The following TBCCD1 variants were observed in gnomAD, a reference collection of about 807,000 sequenced individuals.
TBCCD1 encodes TBCC domain-containing protein 1.
A neutral mutation model predicts 53.4 loss-of-function variants in TBCCD1; 26 were observed. The observed-to-expected ratio is 0.49, with a 90% CI of 0.36 to 0.68. The LOEUF is 0.68. Ranked by LOEUF, TBCCD1 falls within the 30% of genes least tolerant of loss-of-function variation. TBCCD1 has a pLI of 0.00. For synonymous variants in TBCCD1, 245 were observed against 241.7 expected, an observed-to-expected ratio of 1.01 and a Z score of -0.13; for missense variants, 558 against 669.5, an observed-to-expected ratio of 0.83 and a Z score of 1.84.
At chr3:186,569,308 T>TTTATTTATTTATTTA (rs1553849535), upstream of TBCCD1, among the ~76,000 whole-genome samples, 10,197 of 150,498 alleles carry the variant, frequency 0.068, 429 homozygotes, top group African/African-American at 0.09. Context: ...GACTTTTATT[T>TTTATTTATTTATTTA]TTTATTTATT....
At chr3:186,556,384 T>C in intron 4 of TBCCD1, 25 bp downstream of exon 4, 2 of 1,572,946 alleles carry the variant, frequency 1.3e-6, no homozygotes, top group Non-Finnish European at 1.7e-6. Context: ...TTCAATTTAA[T>C]GTAGATTAAA....
intron 1 of TBCCD1, among the ~76,000 whole-genome samples, chr3:186,565,054 T>A (rs1320199241): frequency 6.6e-6 from 1 of 151,698 alleles, no homozygotes; most frequent in Non-Finnish European, 1.5e-5. Context: ...CCATCCACAA[T>A]CCCACAAGTA....
upstream of TBCCD1, chr3:186,570,086 G>A (rs1714970984): frequency 1.4e-6 from 1 of 699,628 alleles, no homozygotes; most frequent in Admixed American, 2.0e-5. Flanking sequence ...TTGGGAGGAG[G>A]GGAGGGGTGG....
rs1449492167 is a variant in TBCCD1, at chr3:186,546,968, G to GA, written c.*22-14dup. The GA allele has an allele frequency of 3.3e-5, 5 of 151,886 alleles. No homozygotes were observed. Among genetic ancestry groups the GA allele is most frequent in the South Asian group, 2.1e-4 (1 of 4,810 alleles). The allele number at this position is 151,886 out of a possible 1,614,324, so 9.4% of individuals were successfully genotyped here. A position where few individuals can be genotyped will look rare whatever the true frequency, so the allele number is the denominator to read the frequency against. On this transcript the variant is annotated splice_polypyrimidine_tract_variant and intron_variant, in intron 7 of 7. Coordinates refer to ENST00000338733, the MANE Select transcript of TBCCD1 (RefSeq NM_018138.5). ...TATTTCCAGGGCCCTGAAGATCAAAGAAAAAATAATATTAATCACTTAATT... is the reference window on the plus strand; with the variant it reads ...TATTTCCAGGGCCCTGAAGATCAAAGAAAAAAATAATATTAATCACTTAATT...
chr3:186,551,039 G>C, intron 7 of TBCCD1, 90 bp downstream of exon 7: 1 of 1,384,254 alleles, frequency 7.2e-7, no homozygotes. Flanking sequence ...AAAAAATTTG[G>C]GCATGTTTAG....
chr3:186,568,934 A>G (rs1714921447), upstream of TBCCD1, among the ~76,000 whole-genome samples: 1 of 150,774 alleles, frequency 6.6e-6, no homozygotes, highest in African/African-American at 2.5e-5. Context: ...AAAAGAAAAC[A>G]GGGTGGTGTA....
intron 7 of TBCCD1, among the ~76,000 whole-genome samples, chr3:186,549,297 T>A (rs1714301883): frequency 6.6e-6 from 1 of 151,892 alleles, no homozygotes; most frequent in South Asian, 2.1e-4. Flanking sequence ...CAAAAATAAA[T>A]AAATAAATTA....
In TBCCD1 at chr3:186,546,920, G is replaced by A. The variant is rs1019274947; in HGVS notation, c.*57C>T. ...AATTTAGTTTCAAGTTTCAAGATGA[G>A]CACCATCCTCCATTTATCCTTGTAT... On this transcript the variant is annotated 3_prime_UTR_variant, in exon 8 of 8. Transcript: ENST00000338733. 1 of 151,498 alleles carries A rather than the reference G, an allele frequency of 6.6e-6. No homozygotes were observed. The highest frequency in any genetic ancestry group is 6.6e-5 in the Admixed American group (1 of 15,230). 9.4% of individuals were successfully genotyped at this position (151,498 alleles called of 1,614,324 possible). A position where few individuals can be genotyped will look rare whatever the true frequency, so the allele number is the denominator to read the frequency against.
intron 2 of TBCCD1, among the ~76,000 whole-genome samples, chr3:186,559,463 T>C (rs1330066281): frequency 6.6e-6 from 1 of 152,212 alleles, no homozygotes; most frequent in Non-Finnish European, 1.5e-5. Flanking sequence ...TCATTTCTTA[T>C]TCAAGGAAGG....
At chr3:186,552,580 C>T (rs1280766197) in intron 6 of TBCCD1, among the ~76,000 whole-genome samples, 1 of 152,170 alleles carries the variant, frequency 6.6e-6, no homozygotes, top group Non-Finnish European at 1.5e-5. Context: ...TTTAGCTCTT[C>T]CTTCCTTCCT....
rs1394666411 is a variant in TBCCD1, at chr3:186,551,138, C to A, written c.*12G>T. The A allele has an allele frequency of 6.2e-7, 1 of 1,606,798 alleles. No homozygotes were observed. Among genetic ancestry groups the A allele is most frequent in the South Asian group, 1.1e-5 (1 of 89,616 alleles). On this transcript the variant is annotated 3_prime_UTR_variant, in exon 7 of 8. Transcript: ENST00000338733. The stretch of plus-strand genomic sequence containing the variant: ...TGGTATAAATGCCTACCAGTGTCTG[C>A]ATGTAAGATCCTTATCCAGCTGCTT...
intron 4 of TBCCD1, 108 bp downstream of exon 4, chr3:186,556,301 T>C (rs919298135): frequency 1.1e-5 from 14 of 1,295,764 alleles, no homozygotes; most frequent in Non-Finnish European, 1.5e-5. Flanking sequence ...ATAGGAGCAG[T>C]ATTTTTTAGG....
rs200908808 is a variant in TBCCD1, at chr3:186,564,336, T to C, written c.-7A>G. The C allele has an allele frequency of 1.3e-6, 2 of 1,587,274 alleles. No individual in the cohort carries two copies. The highest frequency in any genetic ancestry group is 2.2e-5 in the East Asian group (1 of 44,504). On this transcript the variant is annotated 5_prime_UTR_variant, in exon 2 of 8. Transcript: ENST00000338733. ...GAACTCTGGACTGATCCATATTATC[T>C]CTAAGGACATCAGGGTGAAAAGGCT...
chr3:186,556,271 G>A (rs1714536317), intron 4 of TBCCD1, 138 bp downstream of exon 4: 3 of 909,024 alleles, frequency 3.3e-6, no homozygotes, highest in Admixed American at 6.7e-5. Flanking sequence ...ACAAAAGACA[G>A]ATGTTCCTTT....
At chr3:186,569,442 C>A (rs191021874), upstream of TBCCD1, among the ~76,000 whole-genome samples, 97 of 152,000 alleles carry the variant, frequency 6.4e-4, no homozygotes, top group Non-Finnish European at 9.6e-4. Flanking sequence ...CCTCAGGCTC[C>A]CGAGCAGCTG....
chr3:186,569,978 A>C, upstream of TBCCD1: 1 of 597,870 alleles, frequency 1.7e-6, no homozygotes, highest in Non-Finnish European at 3.1e-6. Flanking sequence ...CCTGCTTACT[A>C]TACGCCCGAT....
chr3:186,550,841 A>AT (rs1714352566), intron 7 of TBCCD1, among the ~76,000 whole-genome samples: 2 of 152,190 alleles, frequency 1.3e-5, no homozygotes, highest in Non-Finnish European at 2.9e-5. Flanking sequence ...AGAACTATGT[A>AT]TGGGGGAATG....
At chr3:186,553,897 G>A (rs533857972) in intron 6 of TBCCD1, among the ~76,000 whole-genome samples, 1 of 151,918 alleles carries the variant, frequency 6.6e-6, no homozygotes, top group African/African-American at 2.4e-5. Context: ...GCCCAGGCCG[G>A]AGTGCAATGG....
rs1359129318 is a variant in TBCCD1, at chr3:186,556,603, C to T, written c.665G>A (p.Arg222Lys). The T allele has an allele frequency of 6.2e-7, 1 of 1,614,136 alleles. No individual in the cohort carries two copies. The highest frequency in any genetic ancestry group is 1.3e-5 in the African/African-American group (1 of 75,034). Residue 222 changes from arginine to lysine, a missense_variant, in exon 4 of 8, where the codon AGA becomes AAA. Physicochemically the swap from Arg to Lys is conservative, Grantham distance 26. Coordinates refer to ENST00000338733, the MANE Select transcript of TBCCD1 (RefSeq NM_018138.5). ...LSFLIEGTIS[R>K]ARKIYPLHEL... ...ATGAAGTGGATAGATCTTCCTGGCT[C>T]TACTTATTGTACCTTCAATAAGGAA...
Sources: gnomAD v4.1 joint callset for allele counts (sites outside exome capture counted in the v4.1 genomes callset) on GRCh38, gnomAD v4.1.1 for gene constraint, MANE v1.5 for transcripts, NCBI Gene and HGNC (gene_info 2026-07-23, HGNC 2026-07-21) for gene names.